Variants in PWP2 observed in about 807,000 individuals in gnomAD.
PWP2 encodes the protein periodic tryptophan protein 2 homolog.
For synonymous variants in PWP2, 24 were observed against 45.4 expected (o/e 0.53, Z 1.89); for missense variants, 35 against 114.1 (o/e 0.31, Z 3.16).
In PWP2 at chr21:44,111,236, G is replaced by C. The variant is rs892501549; in HGVS notation, c.131+2140G>C. Reference sequence around the variant, plus strand: ...TTTCTGCTGTTGGACAACGTACCTGGTCACCCATGAGCTCCAATGGAGACG... The same window carrying C: ...TTTCTGCTGTTGGACAACGTACCTGCTCACCCATGAGCTCCAATGGAGACG... On this transcript the variant is annotated intron_variant, in intron 2 of 20. Transcript: ENST00000291576. Among the ~76,000 whole-genome samples the C allele has an allele frequency of 2.7e-5, 2 of 73,432 alleles. 1 individual carries two copies. The highest frequency in any genetic ancestry group is 8.5e-4 in the East Asian group (2 of 2,350). 48.2% of individuals were successfully genotyped at this position (73,432 alleles called of 152,430 possible). A position where few individuals can be genotyped will look rare whatever the true frequency, so the allele number is the denominator to read the frequency against.
intron 2 of PWP2, among the ~76,000 whole-genome samples, chr21:44,109,470 TG>T (rs1236176443): frequency 5.7e-5 from 1 of 17,692 alleles, no homozygotes; most frequent in African/African-American, 9.4e-5. Flanking sequence ...CCAGGGCTGC[TG>T]GGGGAGTTGA....
At position 44,114,203 on chromosome 21, in the gene PWP2, TG is replaced by T; in HGVS notation, c.253del (p.Val85SerfsTer142). 4.7e-6 allele frequency: 2 copies of T among 425,408 alleles called. No homozygotes were observed. Among genetic ancestry groups the T allele is most frequent in the Non-Finnish European group, 8.7e-6 (2 of 229,522 alleles). The allele number at this position is 425,408 out of a possible 1,614,324, so 26.4% of individuals were successfully genotyped here. ...DEGGDALLVS[L>X]VCRSVLHHFH... Reference sequence around the variant, plus strand: ...GGGGGCGATGCGCTGCTGGTCAGCCTGGTCTGCAGGTCTGTGCTGCACCACT... The same window carrying T: ...GGGGGCGATGCGCTGCTGGTCAGCCTGTCTGCAGGTCTGTGCTGCACCACT... On this transcript the variant is annotated frameshift_variant, in exon 4 of 21. Transcript: ENST00000291576. LOFTEE classifies it high-confidence loss of function.
At chr21:44,112,480 CAT>C (rs768203339) in intron 2 of PWP2, among the ~76,000 whole-genome samples, 6 of 44,868 alleles carry the variant, frequency 1.3e-4, no homozygotes, top group South Asian at 7.0e-4. Flanking sequence ...CTACAGCACA[CAT>C]GAGTAGACTG....
In PWP2 at chr21:44,121,083, G is replaced by A. The variant is rs369173880; in HGVS notation, c.1617G>A (p.Thr539=). 3.9e-5 allele frequency: 24 copies of A among 616,982 alleles called. 10 individuals carry two copies. The highest frequency in any genetic ancestry group is 5.9e-5 in the Non-Finnish European group (23 of 389,924). The allele number at this position is 616,982 out of a possible 1,614,324, so 38.2% of individuals were successfully genotyped here. ...DMFDSWRTKE[T]LALTSDALAV... ...TTGACAGCTGGAGGACCAAGGAGAC[G>A]CTGGCCCTGACCTCTGATGGTGAGC... is the stretch of plus-strand genomic sequence containing the variant. The change falls in exon 13 of 21, where the codon ACG becomes ACA. Residue 539 remains threonine (T), a synonymous_variant. Coordinates refer to ENST00000291576, the MANE Select transcript of PWP2 (RefSeq NM_005049.3).
chr21:44,129,893 TCAAA>T (rs1299474788), intron 20 of PWP2, among the ~76,000 whole-genome samples: 1 of 35,252 alleles, frequency 2.8e-5, no homozygotes, highest in African/African-American at 5.4e-5. Flanking sequence ...CCTCTGCCTC[TCAAA>T]CAAAGTGCTG....
intron 9 of PWP2, chr21:44,119,096 TGCTCTG>T (rs1280568396): frequency 5.1e-6 from 1 of 197,362 alleles, no homozygotes; most frequent in African/African-American, 2.3e-5. Flanking sequence ...GTGCCCTTCC[TGCTCTG>T]GCCCTCCTCA....
chr21:44,118,546 C>T (rs2039265213), intron 8 of PWP2, among the ~76,000 whole-genome samples: 1 of 64,696 alleles, frequency 1.5e-5, no homozygotes, highest in Admixed American at 1.7e-4. Context: ...TTCAAGCAAT[C>T]CTTGCCTCCG....
chr21:44,123,021 TGACTA>T (rs1344087110), intron 14 of PWP2, among the ~76,000 whole-genome samples: 3 of 26,202 alleles, frequency 1.1e-4, no homozygotes, highest in African/African-American at 2.0e-4. Context: ...TCACCTCACT[TGACTA>T]GAGAGTGCTA....
rs374520363 is a variant in PWP2 at position 44,112,232 on chromosome 21, C to G, written c.132-1521C>G. ...AGAGACATCTTGTGAAAGGAAGAGT[C>G]CATCGATACGGCAAGCTTCACTGTT... On this transcript the variant is annotated intron_variant, in intron 2 of 20. Coordinates refer to ENST00000291576, the MANE Select transcript of PWP2 (RefSeq NM_005049.3). 1.1e-4 allele frequency among the ~76,000 whole-genome samples: 8 copies of G among 69,768 alleles called. 3 individuals are homozygous for G. Among genetic ancestry groups the G allele is most frequent in the Non-Finnish European group, 3.7e-4 (8 of 21,372 alleles). 45.8% of individuals were successfully genotyped at this position (69,768 alleles called of 152,430 possible).
rs150440839 is a variant in PWP2 at position 44,118,804 on chromosome 21, C to T, written c.1022C>T (p.Ser341Leu). 1,119 of 634,480 alleles carry T rather than the reference C, an allele frequency of 1.8e-3. 308 individuals are homozygous for T. Among genetic ancestry groups the T allele is most frequent in the African/African-American group, 0.016 (1,005 of 61,998 alleles). 39.3% of individuals were successfully genotyped at this position (634,480 alleles called of 1,614,324 possible). A position where few individuals can be genotyped will look rare whatever the true frequency, so the allele number is the denominator to read the frequency against. The change falls in exon 9 of 21, where the codon TCG becomes TTG. Residue 341 changes from serine to leucine, a missense_variant. By Grantham distance (145) the Ser-to-Leu change is moderately radical. Coordinates refer to ENST00000291576, the MANE Select transcript of PWP2 (RefSeq NM_005049.3). ...ATCGCCTCAGTGGCCATCAATAGCT[C>T]GGGGGACTGGATTGCTTTTGGCTGT... ...QSIASVAINSSGDWIAFGCSG... is the reference protein window; with the variant it reads ...QSIASVAINSLGDWIAFGCSG...
Position 44,109,190 on chromosome 21 carries a change from G to A in PWP2, c.131+94G>A, listed in dbSNP as rs2146270136. 9.6e-6 allele frequency: 2 copies of A among 207,934 alleles called. 1 individual carries two copies. Among genetic ancestry groups the A allele is most frequent in the East Asian group, 1.5e-4 (2 of 13,596 alleles). 12.9% of individuals were successfully genotyped at this position (207,934 alleles called of 1,614,324 possible). On this transcript the variant is annotated intron_variant, in intron 2 of 20. Coordinates refer to ENST00000291576, the MANE Select transcript of PWP2 (RefSeq NM_005049.3). ...TATGAAAACTGATAGTGTCTTCTGT[G>A]CCTTCCTTTTAATGGTGCACCCGTT... is the stretch of plus-strand genomic sequence containing the variant.
Position 44,120,453 on chromosome 21 carries a change from A to T in PWP2, c.1294A>T (p.Thr432Ser), listed in dbSNP as rs1569242843. The change falls in exon 11 of 21, where the codon ACC (threonine) becomes TCC (serine). Residue 432 changes from threonine to serine, a missense_variant. By Grantham distance (58) the Thr-to-Ser change is moderately conservative. Transcript: ENST00000291576. ...TACTGCCACCGGCTACGTTGTGGTG[A>T]CCTCATCCATGGACGGGACCGTGCG... ...TFTATGYVVV[T>S]SSMDGTVRAF... The T allele has an allele frequency of 2.9e-6, 1 of 339,130 alleles. No homozygotes were observed. 21.0% of individuals were successfully genotyped at this position (339,130 alleles called of 1,614,324 possible).
Position 44,118,751 on chromosome 21 carries a change from C to T in PWP2, c.981-12C>T, listed in dbSNP as rs375317674. ...CAGGCTGGCCTCCCACTTACAGGCCCGTTCTCTGCAGCATTTCAGATCAGA... is the reference window on the plus strand; with the variant it reads ...CAGGCTGGCCTCCCACTTACAGGCCTGTTCTCTGCAGCATTTCAGATCAGA... On this transcript the variant is annotated splice_polypyrimidine_tract_variant and intron_variant, in intron 8 of 20. Transcript: ENST00000291576. 1.4e-4 allele frequency: 86 copies of T among 631,034 alleles called. 27 individuals are homozygous for T. The highest frequency in any genetic ancestry group is 7.7e-4 in the African/African-American group (48 of 62,138). The allele number at this position is 631,034 out of a possible 1,614,324, so 39.1% of individuals were successfully genotyped here.
chr21:44,112,956 CT>C (rs895279093), intron 2 of PWP2, among the ~76,000 whole-genome samples: 6 of 38,462 alleles, frequency 1.6e-4, no homozygotes, highest in South Asian at 8.2e-4. Flanking sequence ...ATTTCTTTTT[CT>C]TTTTTTTTTT....
In PWP2 at chr21:44,120,263, TG is replaced by T. The variant is rs1248091084; in HGVS notation, c.1189-81del. On this transcript the variant is annotated intron_variant, in intron 10 of 20. Coordinates refer to ENST00000291576, the MANE Select transcript of PWP2 (RefSeq NM_005049.3). ...GCAGTACAGGGGCAAGCATCTTAGGTGGGGCGGCATGGGGACAGGGATCCTG... is the reference window on the plus strand; with the variant it reads ...GCAGTACAGGGGCAAGCATCTTAGGTGGGCGGCATGGGGACAGGGATCCTG... 2 of 398,830 alleles carry T rather than the reference TG, an allele frequency of 5.0e-6. 1 individual carries two copies. The highest frequency in any genetic ancestry group is 6.3e-5 in the African/African-American group (2 of 31,778). The allele number at this position is 398,830 out of a possible 1,614,324, so 24.7% of individuals were successfully genotyped here.
At position 44,128,881 on chromosome 21, in the gene PWP2, C is replaced by T. The variant is rs537417004; in HGVS notation, c.2585+255C>T. Among the ~76,000 whole-genome samples, 5 of 75,270 alleles carry T rather than the reference C, an allele frequency of 6.6e-5. 2 individuals carry two copies. Among genetic ancestry groups the T allele is most frequent in the Admixed American group, 4.2e-4 (3 of 7,062 alleles). The allele number at this position is 75,270 out of a possible 152,430, so 49.4% of individuals were successfully genotyped here. ...GGCTGCAGGTGGCGCGCTCCAGGTG[C>T]GGCCGGAATCCTCCAGGCTCTTGGA... On this transcript the variant is annotated intron_variant, in intron 20 of 20. Coordinates refer to ENST00000291576, the MANE Select transcript of PWP2 (RefSeq NM_005049.3).
At chr21:44,109,944 A>AC (rs909011095) in intron 2 of PWP2, among the ~76,000 whole-genome samples, 3 of 4,590 alleles carry the variant, frequency 6.5e-4, no homozygotes. Flanking sequence ...GCTGTTCCCC[A>AC]CCCCCCCACG....
intron 14 of PWP2, among the ~76,000 whole-genome samples, chr21:44,123,145 T>G (rs1601875377): frequency 1.2e-4 from 3 of 24,532 alleles, no homozygotes; most frequent in Admixed American, 5.4e-4. Context: ...CTCAACTGGG[T>G]GGGGGTCAGG....
rs188509989 is a variant in PWP2 at position 44,119,057 on chromosome 21, C to T, written c.1051+224C>T. 1,250 of 200,692 alleles carry T rather than the reference C, an allele frequency of 6.2e-3. 271 individuals carry two copies. Among genetic ancestry groups the T allele is most frequent in the African/African-American group, 0.027 (1,123 of 41,814 alleles). The allele number at this position is 200,692 out of a possible 1,614,324, so 12.4% of individuals were successfully genotyped here. The stretch of plus-strand genomic sequence containing the variant: ...TCCTCCAGCCACCTTTCAGGGGGTG[C>T]CTTCTTCTCTTCCAGCTGCCTCCCA... On this transcript the variant is annotated intron_variant, in intron 9 of 20. Transcript: ENST00000291576.
Sources: allele counts gnomAD v4.1 joint callset (sites outside exome capture counted in the v4.1 genomes callset), GRCh38; gene constraint gnomAD v4.1.1; transcripts MANE v1.5; gene names NCBI Gene and HGNC (gene_info 2026-07-23, HGNC 2026-07-21).